SUCLG2: variants seen among roughly 807,000 people sequenced by gnomAD.
SUCLG2 encodes succinate-CoA ligase GDP-forming subunit beta, also known as succinate--CoA ligase [GDP-forming] subunit beta, mitochondrial.
A neutral mutation model predicts 47.9 loss-of-function variants in SUCLG2; 42 were observed. The observed-to-expected ratio is 0.88, with a 90% confidence interval of 0.69 to 1.14. The LOEUF (loss-of-function observed/expected upper bound fraction) is 1.14. SUCLG2 is among the 50% of genes most tolerant of loss of function. The pLI is 0.00. For missense variants in SUCLG2, 571 were observed against 525.9 expected (o/e 1.09, Z -0.84); for synonymous variants, 195 against 197.3 (o/e 0.99, Z 0.10).
intron 1 of SUCLG2, among the ~76,000 whole-genome samples, chr3:67,613,613 C>T (rs1700572275): frequency 6.6e-6 from 1 of 152,188 alleles, no homozygotes; most frequent in Non-Finnish European, 1.5e-5. Flanking sequence ...AGTGACTTTA[C>T]GTAAATGTGT....
At chr3:67,524,680 G>A (rs1397253861) in intron 4 of SUCLG2, among the ~76,000 whole-genome samples, 1 of 152,158 alleles carries the variant, frequency 6.6e-6, no homozygotes, top group East Asian at 1.9e-4. Flanking sequence ...GAGTAGACAT[G>A]TTTTTCCCTA....
At chr3:67,591,914 T>C (rs1429913158) in intron 2 of SUCLG2, among the ~76,000 whole-genome samples, 2 of 152,188 alleles carry the variant, frequency 1.3e-5, no homozygotes, top group African/African-American at 4.8e-5. Context: ...GTCTCTCAAG[T>C]CTACAAATCA....
At chr3:67,561,549 T>C (rs1436352213) in intron 2 of SUCLG2, among the ~76,000 whole-genome samples, 3 of 152,202 alleles carry the variant, frequency 2.0e-5, no homozygotes, top group Non-Finnish European at 4.4e-5. Flanking sequence ...AAAAATGAGC[T>C]GGAAGATTAA....
intron 9 of SUCLG2, among the ~76,000 whole-genome samples, chr3:67,436,349 C>A (rs2106899209): frequency 6.6e-6 from 1 of 152,208 alleles, no homozygotes; most frequent in Non-Finnish European, 1.5e-5. Context: ...TAGTGGACCC[C>A]AAAGAGAGCC....
At chr3:67,377,247 G>A (rs901312312) in intron 10 of SUCLG2, among the ~76,000 whole-genome samples, 1 of 152,222 alleles carries the variant, frequency 6.6e-6, no homozygotes, top group Admixed American at 6.5e-5. Context: ...AATTATAAAC[G>A]CTGCATGTTC....
At chr3:67,413,408 C>T (rs1471828720) in intron 9 of SUCLG2, among the ~76,000 whole-genome samples, 1 of 152,152 alleles carries the variant, frequency 6.6e-6, no homozygotes, top group Non-Finnish European at 1.5e-5. Context: ...AAAGAAGGAA[C>T]ATGGGTAACA....
intron 1 of SUCLG2, among the ~76,000 whole-genome samples, chr3:67,648,213 A>G (rs1018378663): frequency 5.9e-5 from 9 of 152,216 alleles, no homozygotes; most frequent in African/African-American, 2.2e-4. Context: ...GGGAGATCCC[A>G]TAAGAATTTG....
At chr3:67,585,776 G>T (rs1332012897) in intron 2 of SUCLG2, among the ~76,000 whole-genome samples, 3 of 151,812 alleles carry the variant, frequency 2.0e-5, no homozygotes, top group Non-Finnish European at 4.4e-5. Flanking sequence ...CAGCCTGGCT[G>T]ACATGGCAAA....
intron 2 of SUCLG2, among the ~76,000 whole-genome samples, chr3:67,575,071 TAAAG>T (rs1707710243): frequency 6.6e-6 from 1 of 152,196 alleles, no homozygotes; most frequent in African/African-American, 2.4e-5. Context: ...AGTGAGGATA[TAAAG>T]AAATAGAAAC....
In SUCLG2 at chr3:67,580,023, A is replaced by G. The variant is rs116889117; in HGVS notation, c.226+29432T>C. 9.5e-4 allele frequency among the ~76,000 whole-genome samples: 144 copies of G among 152,226 alleles called. 1 individual carries two copies. In the East Asian group the frequency reaches 0.025, roughly 26 times the overall value. Reference sequence around the variant, plus strand: ...AGAAAAAAATAAAAATAAATGAGAAACCATCAAATTAGAATATACTGTAGC... The same window carrying G: ...AGAAAAAAATAAAAATAAATGAGAAGCCATCAAATTAGAATATACTGTAGC... On this transcript the variant is annotated intron_variant, in intron 2 of 10. Transcript: ENST00000307227.
At chr3:67,583,181 C>T (rs970107560) in intron 2 of SUCLG2, among the ~76,000 whole-genome samples, 2 of 152,054 alleles carry the variant, frequency 1.3e-5, no homozygotes, top group Non-Finnish European at 2.9e-5. Context: ...CCTCCTGCCA[C>T]ACCATCTCTG....
chr3:67,513,332 C>T (rs1705847991), intron 6 of SUCLG2, among the ~76,000 whole-genome samples: 1 of 152,210 alleles, frequency 6.6e-6, no homozygotes, highest in Non-Finnish European at 1.5e-5. Flanking sequence ...GCACATTAAT[C>T]CCATTGTAAT....
At chr3:67,441,262 A>C (rs1306029509) in intron 9 of SUCLG2, among the ~76,000 whole-genome samples, 1 of 152,134 alleles carries the variant, frequency 6.6e-6, no homozygotes, top group Non-Finnish European at 1.5e-5. Flanking sequence ...GCATTAGGAC[A>C]AATACCTAAT....
At chr3:67,586,251 A>G (rs539224272) in intron 2 of SUCLG2, among the ~76,000 whole-genome samples, 37 of 152,340 alleles carry the variant, frequency 2.4e-4, no homozygotes, top group African/African-American at 8.7e-4. Flanking sequence ...TACTACAGCC[A>G]AATTTCCCAC....
At chr3:67,503,258 G>T (rs1705548272) in intron 7 of SUCLG2, among the ~76,000 whole-genome samples, 1 of 152,094 alleles carries the variant, frequency 6.6e-6, no homozygotes, top group Admixed American at 6.6e-5. Flanking sequence ...AGATACACAG[G>T]TGTCATATTT....
chr3:67,477,480 A>T (rs557506181), intron 9 of SUCLG2, among the ~76,000 whole-genome samples: 3 of 152,334 alleles, frequency 2.0e-5, no homozygotes, highest in African/African-American at 7.2e-5. Flanking sequence ...AGATAACTGG[A>T]GGTCAGGAGT....
intron 2 of SUCLG2, among the ~76,000 whole-genome samples, chr3:67,593,879 A>G (rs1708232405): frequency 6.6e-6 from 1 of 152,214 alleles, no homozygotes; most frequent in Non-Finnish European, 1.5e-5. Flanking sequence ...CCATTTTCCA[A>G]GTGACTATGC....
At chr3:67,426,850 C>T (rs1043086302) in intron 9 of SUCLG2, among the ~76,000 whole-genome samples, 1 of 152,118 alleles carries the variant, frequency 6.6e-6, no homozygotes, top group African/African-American at 2.4e-5. Context: ...TCACTTGAAC[C>T]CTGGAAGCGG....
chr3:67,400,102 T>C (rs145421136), intron 10 of SUCLG2, among the ~76,000 whole-genome samples: 149 of 152,282 alleles, frequency 9.8e-4, no homozygotes, highest in African/African-American at 3.5e-3. Context: ...TTTCTTCATA[T>C]ACTTCAACTA....
Sources: gnomAD v4.1 joint callset for allele counts (sites outside exome capture counted in the v4.1 genomes callset) on GRCh38, gnomAD v4.1.1 for gene constraint, MANE v1.5 for transcripts, NCBI Gene and HGNC (gene_info 2026-07-23, HGNC 2026-07-21) for gene names.